The following NRROS variants were observed in gnomAD, a reference collection of about 807,000 sequenced individuals.
The protein encoded by NRROS is transforming growth factor beta activator LRRC33.
Under a neutral mutation model 12.0 loss-of-function variants are expected in NRROS, and 6 were observed. The observed-to-expected ratio is 0.50, with a 90% CI of 0.27 to 0.98. NRROS has a LOEUF of 0.98. Ranked by LOEUF, NRROS falls within the 50% of genes least tolerant of loss-of-function variation. The pLI is 0.11. For synonymous variants in NRROS, 462 were observed against 410.2 expected, an observed-to-expected ratio of 1.13 and a Z score of -1.53; for missense variants, 857 against 888.2, an observed-to-expected ratio of 0.96 and a Z score of 0.45.
intron 1 of NRROS, among the ~76,000 whole-genome samples, chr3:196,642,652 C>T (rs544438618): frequency 6.6e-4 from 101 of 152,280 alleles, no homozygotes; most frequent in African/African-American, 2.3e-3. Context: ...TCATAGGCCC[C>T]GCCCTGGAAC....
chr3:196,646,755 A>G (rs942171409), intron 1 of NRROS, among the ~76,000 whole-genome samples: 1 of 152,174 alleles, frequency 6.6e-6, no homozygotes, highest in Non-Finnish European at 1.5e-5. Context: ...ATCCATTCCC[A>G]GAGAGTCTCT....
intron 1 of NRROS, among the ~76,000 whole-genome samples, chr3:196,650,721 T>A (rs78726261): frequency 0.033 from 5,030 of 152,318 alleles, 278 homozygotes; most frequent in African/African-American, 0.12. Context: ...ACCACTTTCT[T>A]ACTATGACCA....
chr3:196,649,479 C>CTTT (rs113457429), intron 1 of NRROS, among the ~76,000 whole-genome samples: 3 of 149,648 alleles, frequency 2.0e-5, no homozygotes, highest in African/African-American at 2.5e-5. Context: ...TTGTTTCTCT[C>CTTT]TTTTTTTTTT....
In NRROS at chr3:196,660,690, G is replaced by A; in HGVS notation, c.1047G>A (p.Arg349=). The A allele has an allele frequency of 6.2e-7, 1 of 1,614,170 alleles. No individual in the cohort carries two copies. The highest frequency in any genetic ancestry group is 8.5e-7 in the Non-Finnish European group (1 of 1,180,038). Reference sequence around the variant, plus strand: ...AGTACCTGCCAGACGGCTTCCTGAGGAAAATGCCTTCCCTCTCCCACCTGA... The same window carrying A: ...AGTACCTGCCAGACGGCTTCCTGAGAAAAATGCCTTCCCTCTCCCACCTGA... ...QFQYLPDGFL[R]KMPSLSHLNL... Residue 349 remains arginine, a synonymous_variant, in exon 3 of 3, where the codon AGG becomes AGA. Transcript: ENST00000328557. This position sits in a 1 kb window ranked among gnomAD's most constrained non-coding sequence, Gnocchi z 7.7.
intron 2 of NRROS, among the ~76,000 whole-genome samples, chr3:196,655,680 G>C (rs903248863): frequency 6.6e-6 from 1 of 152,162 alleles, no homozygotes; most frequent in Non-Finnish European, 1.5e-5. Flanking sequence ...ACACAGCTGC[G>C]GGGAGGACTT....
At chr3:196,644,846 G>A (rs570192734) in intron 1 of NRROS, among the ~76,000 whole-genome samples, 3 of 151,638 alleles carry the variant, frequency 2.0e-5, no homozygotes, top group Admixed American at 6.6e-5. Flanking sequence ...CCAGCTACTC[G>A]GTAGCCCTAG....
At chr3:196,641,140 AAAAAC>A (rs141716665) in intron 1 of NRROS, among the ~76,000 whole-genome samples, 83,107 of 150,286 alleles carry the variant, frequency 0.55, 23,651 homozygotes, top group African/African-American at 0.66. Context: ...TTTAGGTTAA[AAAAAC>A]AAAACAAAAC....
intron 1 of NRROS, among the ~76,000 whole-genome samples, chr3:196,642,771 G>A (rs1045450889): frequency 4.6e-5 from 7 of 152,086 alleles, no homozygotes; most frequent in African/African-American, 7.2e-5. Flanking sequence ...ACCTAAAAAT[G>A]GTTAAGATGG....
chr3:196,657,411 A>G (rs1189434110), intron 2 of NRROS, among the ~76,000 whole-genome samples: 1 of 151,588 alleles, frequency 6.6e-6, no homozygotes, highest in Non-Finnish European at 1.5e-5. Flanking sequence ...GGAGGAGCGC[A>G]ACACCCACTC....
intron 1 of NRROS, among the ~76,000 whole-genome samples, chr3:196,651,268 T>G (rs769741802): frequency 9.9e-5 from 15 of 152,204 alleles, no homozygotes; most frequent in Admixed American, 2.6e-4. Flanking sequence ...AATTTAGCAC[T>G]GGGTCTTGGC....
Position 196,660,865 on chromosome 3 carries a change from A to G in NRROS, c.1222A>G (p.Asn408Asp). 1.2e-6 allele frequency: 2 copies of G among 1,613,948 alleles called. No homozygotes were observed. Among genetic ancestry groups the G allele is most frequent in the Non-Finnish European group, 1.7e-6 (2 of 1,180,022 alleles). ...CTGCCTGGGCAGCCTGCGCTTGTTC[A>G]ACCTGAGCTCCAACCAGCTCCTGGG... ...ASCLGSLRLF[N>D]LSSNQLLGVP... The change falls in exon 3 of 3, where the codon AAC (asparagine) becomes GAC (aspartate). Residue 408 changes from asparagine (N) to aspartate (D), a missense_variant. Coordinates refer to ENST00000328557, the MANE Select transcript of NRROS (RefSeq NM_198565.3). This position sits in a 1 kb window ranked among gnomAD's most constrained non-coding sequence, Gnocchi z 7.7.
At chr3:196,656,145 T>C (rs1737534049) in intron 2 of NRROS, among the ~76,000 whole-genome samples, 1 of 151,978 alleles carries the variant, frequency 6.6e-6, no homozygotes, top group Non-Finnish European at 1.5e-5. Flanking sequence ...CCAGCCTGGG[T>C]GACAGAGTGA....
chr3:196,648,492 C>T (rs1379805070), intron 1 of NRROS, among the ~76,000 whole-genome samples: 7 of 152,022 alleles, frequency 4.6e-5, no homozygotes. Context: ...TCCGGCCAAG[C>T]TCAGTGGCTC....
At chr3:196,641,786 G>A (rs1737214315) in intron 1 of NRROS, among the ~76,000 whole-genome samples, 1 of 152,164 alleles carries the variant, frequency 6.6e-6, no homozygotes, top group South Asian at 2.1e-4. Context: ...TGCACAGTGT[G>A]CACCAGACTC....
rs373152462 is a variant in NRROS, at chr3:196,660,458, G to C, written c.815G>C (p.Ser272Thr). 11 of 1,613,896 alleles carry C rather than the reference G, an allele frequency of 6.8e-6. No homozygotes were observed. The highest frequency in any genetic ancestry group is 9.3e-6 in the Non-Finnish European group (11 of 1,179,980). The change falls in exon 3 of 3, where the codon AGC becomes ACC. Residue 272 changes from serine to threonine, a missense_variant. Coordinates refer to ENST00000328557, the MANE Select transcript of NRROS (RefSeq NM_198565.3). This position sits in a 1 kb window ranked among gnomAD's most constrained non-coding sequence, Gnocchi z 7.7. ...LLFFPLLPQY[S>T]KLRTLLLRDN... Reference sequence around the variant, plus strand: ...TTCTTCCCGCTGCTGCCCCAGTACAGCAAGTTGCGGACCCTCCTGCTGCGC... The same window carrying C: ...TTCTTCCCGCTGCTGCCCCAGTACACCAAGTTGCGGACCCTCCTGCTGCGC...
At position 196,650,142 on chromosome 3, in the gene NRROS, T is replaced by A. The variant is rs1737393621; in HGVS notation, c.-13-4385T>A. Among the ~76,000 whole-genome samples, 3 of 152,188 alleles carry A rather than the reference T, an allele frequency of 2.0e-5. No individual in the cohort carries two copies. In the South Asian group the frequency reaches 6.2e-4, roughly 32 times the overall value. ...ACAATAGCAAAATTCAGATCTGAGC[T>A]ACTCTGTAGCATTTCTTTTTTTAGA... On this transcript the variant is annotated intron_variant, in intron 1 of 2. Coordinates refer to ENST00000328557, the MANE Select transcript of NRROS (RefSeq NM_198565.3).
chr3:196,641,763 T>C (rs571425964), intron 1 of NRROS, among the ~76,000 whole-genome samples: 120 of 152,286 alleles, frequency 7.9e-4, no homozygotes, highest in African/African-American at 2.7e-3. Context: ...CTGGCTGCGG[T>C]GTGCGTCCAC....
Position 196,654,713 on chromosome 3 carries a change from A to G in NRROS, c.108+66A>G. ...CCTGACAAGGCTTGGTCCATTTGGA[A>G]AGCTGACAGATTGTCCATCAGGAAG... On this transcript the variant is annotated intron_variant, in intron 2 of 2. Coordinates refer to ENST00000328557, the MANE Select transcript of NRROS (RefSeq NM_198565.3). This position sits in a 1 kb window ranked among gnomAD's most constrained non-coding sequence, Gnocchi z 4.4. 1 of 990,998 alleles carries G rather than the reference A, an allele frequency of 1.0e-6. No individual in the cohort carries two copies. The highest frequency in any genetic ancestry group is 1.5e-6 in the Non-Finnish European group (1 of 645,410). 61.4% of individuals were successfully genotyped at this position (990,998 alleles called of 1,614,324 possible).
At chr3:196,644,175 C>A (rs978814274) in intron 1 of NRROS, among the ~76,000 whole-genome samples, 6 of 152,244 alleles carry the variant, frequency 3.9e-5, no homozygotes, top group African/African-American at 7.2e-5. Flanking sequence ...AAGGTTAGAG[C>A]CATTTTGAAG....
Sources: gnomAD v4.1 joint callset for allele counts (sites outside exome capture counted in the v4.1 genomes callset) on GRCh38, gnomAD v4.1.1 for gene constraint, Gnocchi (gnomAD v3.1) non-coding constraint, MANE v1.5 for transcripts, NCBI Gene and HGNC (gene_info 2026-07-23, HGNC 2026-07-21) for gene names.